The following RRBP1 variants were observed in gnomAD, a reference collection of about 807,000 sequenced individuals.
RRBP1 encodes ribosome-binding protein 1.
RRBP1 carries 94 observed loss-of-function variants against 165.2 expected under a neutral mutation model. The observed-to-expected ratio is 0.57, with a 90% CI of 0.48 to 0.68. The LOEUF is 0.68. Among genes scored for constraint, RRBP1 ranks in the 30% least tolerant of loss-of-function variants. The pLI, the probability that RRBP1 is intolerant of heterozygous loss-of-function variation, is 0.00. For synonymous variants in RRBP1, 680 were observed against 714.5 expected, an observed-to-expected ratio of 0.95 and a Z score of 0.77; for missense variants, 1,676 against 1,763.0, an observed-to-expected ratio of 0.95 and a Z score of 0.88.
At position 17,643,831 on chromosome 20, in the gene RRBP1, A is replaced by G. The variant is rs1432423423; in HGVS notation, c.1913-704T>C. Among the ~76,000 whole-genome samples, 1 of 152,106 alleles carries G rather than the reference A, an allele frequency of 6.6e-6. No individual in the cohort carries two copies. Among genetic ancestry groups the G allele is most frequent in the Non-Finnish European group, 1.5e-5 (1 of 68,018 alleles). ...AGGGAGCCATCTGCCAACAAACGTC[A>G]CTTCTGAAAAACTAAAACTGCCGAC... On this transcript the variant is annotated intron_variant, in intron 3 of 24. Coordinates refer to ENST00000377813, the MANE Select transcript of RRBP1 (RefSeq NM_001365613.2). The surrounding 1 kb of genome is among the most constrained non-coding windows in gnomAD (Gnocchi z 4.3).
rs772569561 is a variant in RRBP1, at chr20:17,660,116, T to C, written c.392A>G (p.Lys131Arg). The C allele has an allele frequency of 6.2e-7, 1 of 1,614,180 alleles. No individual in the cohort carries two copies. Among genetic ancestry groups the C allele is most frequent in the Non-Finnish European group, 8.5e-7 (1 of 1,180,024 alleles). Residue 131 changes from lysine to arginine, a missense_variant, in exon 3 of 25, where the codon AAG becomes AGG. This residue lies in a region of RRBP1 where 392 missense variants were observed against 382.5 expected (regional missense o/e 1.02). Coordinates refer to ENST00000377813, the MANE Select transcript of RRBP1 (RefSeq NM_001365613.2). ...TTTGTCCTTGGGGGAGGAGGCCAGCTTCTCCTGGGGCATGGCTGGAACTGT... is the reference window on the plus strand; with the variant it reads ...TTTGTCCTTGGGGGAGGAGGCCAGCCTCTCCTGGGGCATGGCTGGAACTGT... ...VATVPAMPQE[K>R]LASSPKDKKK... is the part of the protein sequence containing the mutation.
At chr20:17,650,638 G>T (rs2036538776) in intron 3 of RRBP1, among the ~76,000 whole-genome samples, 1 of 152,228 alleles carries the variant, frequency 6.6e-6, no homozygotes, top group Non-Finnish European at 1.5e-5. Context: ...CAGCAACAAT[G>T]AGTGAAGCAA....
intron 3 of RRBP1, among the ~76,000 whole-genome samples, chr20:17,650,125 T>A (rs1160707885): frequency 6.6e-6 from 1 of 152,088 alleles, no homozygotes; most frequent in Non-Finnish European, 1.5e-5. Flanking sequence ...CCTGTTTATT[T>A]GACTTAGAGA....
rs150444263 is a variant in RRBP1 at position 17,658,195 on chromosome 20, T to C, written c.1912+401A>G. On this transcript the variant is annotated intron_variant, in intron 3 of 24. Transcript: ENST00000377813. ...CACAGTGGACTCCCTGCCCCTTGAC[T>C]CAGGCTCAGACACATCACTTGATCT... is the stretch of plus-strand genomic sequence containing the variant. Among the ~76,000 whole-genome samples the C allele has an allele frequency of 4.6e-5, 7 of 152,308 alleles. No homozygotes were observed. In the East Asian group the frequency reaches 1.3e-3, roughly 29 times the overall value.
intron 3 of RRBP1, among the ~76,000 whole-genome samples, chr20:17,655,405 T>C (rs773845514): frequency 6.6e-6 from 1 of 152,246 alleles, no homozygotes; most frequent in Non-Finnish European, 1.5e-5. Flanking sequence ...TTACGGTTTA[T>C]CTTGTTATCA....
Position 17,613,976 on chromosome 20 carries a change from A to C in RRBP1, c.*206T>G. 2 of 596,310 alleles carry C rather than the reference A, an allele frequency of 3.4e-6. No homozygotes were observed. Among genetic ancestry groups the C allele is most frequent in the East Asian group, 2.8e-5 (1 of 35,446 alleles). 36.9% of individuals were successfully genotyped at this position (596,310 alleles called of 1,614,324 possible). On this transcript the variant is annotated 3_prime_UTR_variant, in exon 25 of 25. Transcript: ENST00000377813. ...CGGGGCTGCGCCCAGGATAGTGTTT[A>C]TCAAATGTGACACAGGTTCATTTAC...
intron 20 of RRBP1, 26 bp downstream of exon 20, chr20:17,618,570 G>A (rs577749394): frequency 1.7e-5 from 27 of 1,586,512 alleles, no homozygotes; most frequent in Admixed American, 6.7e-5. Context: ...TCACACTCCT[G>A]GCATGGGGAC....
intron 13 of RRBP1, 66 bp downstream of exon 13, chr20:17,624,510 C>A: frequency 9.5e-7 from 1 of 1,056,798 alleles, no homozygotes; most frequent in Non-Finnish European, 1.4e-6. Flanking sequence ...ATCTGTACGT[C>A]TTAGTGCATT....
intron 3 of RRBP1, among the ~76,000 whole-genome samples, chr20:17,645,442 C>A (rs994289247): frequency 1.3e-5 from 2 of 152,256 alleles, no homozygotes; most frequent in Admixed American, 6.5e-5. Context: ...CTCTCCTCTG[C>A]CACCTCTCAT....
intron 3 of RRBP1, among the ~76,000 whole-genome samples, chr20:17,655,704 C>T (rs1267135490): frequency 6.6e-6 from 1 of 152,216 alleles, no homozygotes; most frequent in Admixed American, 6.5e-5. Flanking sequence ...AACTACTCAT[C>T]CCTTTGAGGC....
chr20:17,615,032 G>A, intron 23 of RRBP1, 152 bp from the exon 24 acceptor site: 1 of 850,724 alleles, frequency 1.2e-6, no homozygotes, highest in Non-Finnish European at 1.8e-6. Flanking sequence ...GGTGACGACA[G>A]GGAGGAAACC....
intron 18 of RRBP1, 198 bp from the exon 19 acceptor site, chr20:17,619,926 C>G (rs182432719): frequency 1.8e-6 from 1 of 558,218 alleles, no homozygotes; most frequent in African/African-American, 1.9e-5. Context: ...CACCCGGGCA[C>G]TCCTGGGGAC....
rs759795273 is a variant in RRBP1 at position 17,613,938 on chromosome 20, C to T, written c.*244G>A. 18 of 496,758 alleles carry T rather than the reference C, an allele frequency of 3.6e-5. No homozygotes were observed. The highest frequency in any genetic ancestry group is 6.1e-5 in the Non-Finnish European group (17 of 276,878). 30.8% of individuals were successfully genotyped at this position (496,758 alleles called of 1,614,324 possible). The stretch of plus-strand genomic sequence containing the variant: ...AGAGTCAACCAGGGCTTTGGCGTCA[C>T]TCGGCGGTGGCCCGGGGCTGCGCCC... On this transcript the variant is annotated 3_prime_UTR_variant, in exon 25 of 25. Coordinates refer to ENST00000377813, the MANE Select transcript of RRBP1 (RefSeq NM_001365613.2).
chr20:17,658,549 TAAAG>T (rs781663084), intron 3 of RRBP1, 43 bp downstream of exon 3: 1 of 1,494,764 alleles, frequency 6.7e-7, no homozygotes, highest in South Asian at 1.3e-5. Context: ...ATAAGTCATT[TAAAG>T]ACAGCCTTTC....
At chr20:17,619,080 G>C (rs2035857701) in intron 19 of RRBP1, 1 of 145,144 alleles carries the variant, frequency 6.9e-6, no homozygotes, top group South Asian at 1.5e-4. Context: ...CCACCAGTGT[G>C]CCTGGCTTTT....
chr20:17,671,782 C>T (rs1302053611), intron 2 of RRBP1, among the ~76,000 whole-genome samples: 2 of 152,184 alleles, frequency 1.3e-5, no homozygotes, highest in African/African-American at 2.4e-5. Flanking sequence ...CCTCTTGGGT[C>T]ACTCCTTTCA....
At chr20:17,633,263 G>T (rs1052711214) in intron 8 of RRBP1, among the ~76,000 whole-genome samples, 197 bp downstream of exon 8, 30 of 152,216 alleles carry the variant, frequency 2.0e-4, no homozygotes, top group African/African-American at 7.2e-4. Flanking sequence ...GCTCCCGCTT[G>T]ATGCCAGCTG....
rs1468899475 is a variant in RRBP1 at position 17,633,478 on chromosome 20, C to A, written c.2592G>T (p.Lys864Asn). ...GACTCACCTGCAGCTGCAGGACCTG[C>A]TTCTCGAAGGCAGCTGCCTTGGCTT... ...ALEAKAAAFE[K>N]QVLQLQASHR... The change falls in exon 8 of 25, where the codon AAG becomes AAT. Residue 864 changes from lysine to asparagine, a missense_variant. By Grantham distance (94) the Lys-to-Asn change is moderately conservative. Coordinates refer to ENST00000377813, the MANE Select transcript of RRBP1 (RefSeq NM_001365613.2). The A allele has an allele frequency of 6.2e-7, 1 of 1,613,612 alleles. No individual in the cohort carries two copies. Among genetic ancestry groups the A allele is most frequent in the Non-Finnish European group, 8.5e-7 (1 of 1,179,956 alleles).
intron 24 of RRBP1, 29 bp from the exon 25 acceptor site, chr20:17,614,249 G>A (rs113693978): frequency 1.2e-6 from 2 of 1,610,554 alleles, no homozygotes; most frequent in Non-Finnish European, 1.7e-6. Context: ...GGCGTGAGGG[G>A]GGCTGGGCCA....
Sources: allele counts gnomAD v4.1 joint callset (sites outside exome capture counted in the v4.1 genomes callset), GRCh38; gene constraint gnomAD v4.1.1; regional missense constraint gnomAD v4.1.1; non-coding constraint Gnocchi (gnomAD v3.1); transcripts MANE v1.5; gene names NCBI Gene and HGNC (gene_info 2026-07-23, HGNC 2026-07-21).